Variants in BDKRB2 observed in about 807,000 individuals in gnomAD.
BDKRB2 encodes the protein B2 bradykinin receptor.
Under a neutral mutation model 4.0 loss-of-function variants are expected in BDKRB2, and 6 were observed. That is an observed-to-expected ratio of 1.49 (90% CI 0.81 to 2.93). BDKRB2 has a LOEUF of 2.93. Ranked by LOEUF, BDKRB2 falls within the 30% of genes most tolerant of loss-of-function variation. The pLI is 0.00. For synonymous variants in BDKRB2, 225 were observed against 215.3 expected (o/e 1.05, Z -0.40); for missense variants, 478 against 520.1 (o/e 0.92, Z 0.79).
intron 1 of BDKRB2, among the ~76,000 whole-genome samples, chr14:96,208,481 G>T (rs1224493300): frequency 1.3e-5 from 2 of 152,120 alleles, no homozygotes; most frequent in Non-Finnish European, 2.9e-5. Context: ...TTCTTCTCCT[G>T]TACAATGGGG....
chr14:96,231,201 C>T (rs1890811867), intron 1 of BDKRB2, among the ~76,000 whole-genome samples: 1 of 152,220 alleles, frequency 6.6e-6, no homozygotes, highest in African/African-American at 2.4e-5. Context: ...TCTGCTTCTC[C>T]AGGCTCCCTC....
intron 1 of BDKRB2, among the ~76,000 whole-genome samples, chr14:96,214,251 T>G (rs1045111904): frequency 2.6e-5 from 4 of 151,736 alleles, no homozygotes; most frequent in Non-Finnish European, 4.4e-5. Flanking sequence ...CTTCCGGGAG[T>G]CTGTTTGGAC....
intron 1 of BDKRB2, among the ~76,000 whole-genome samples, chr14:96,227,294 T>C (rs1280610268): frequency 1.3e-5 from 2 of 152,250 alleles, no homozygotes; most frequent in East Asian, 3.8e-4. Context: ...CAATCATTAA[T>C]GTACTTTGTG....
At chr14:96,219,959 G>C (rs11847625) in intron 1 of BDKRB2, among the ~76,000 whole-genome samples, 43,903 of 151,834 alleles carry the variant, frequency 0.29, 7,075 homozygotes, top group Non-Finnish European at 0.37. Flanking sequence ...GGCCGACCAA[G>C]CCTAGAGCCA....
intron 1 of BDKRB2, 113 bp from the exon 2 acceptor site, chr14:96,236,956 G>A (rs754130817): frequency 6.2e-5 from 43 of 695,388 alleles, no homozygotes; most frequent in East Asian, 3.8e-4. Context: ...CTTCACAAAC[G>A]TCCATTGAGT....
intron 1 of BDKRB2, among the ~76,000 whole-genome samples, chr14:96,223,971 A>G (rs1393509582): frequency 6.6e-6 from 1 of 152,142 alleles, no homozygotes; most frequent in African/African-American, 2.4e-5. Context: ...GAAAGTTGTA[A>G]TACTTCCTGG....
intron 1 of BDKRB2, among the ~76,000 whole-genome samples, chr14:96,228,403 G>A (rs932948045): frequency 6.6e-6 from 1 of 152,138 alleles, no homozygotes; most frequent in Admixed American, 6.5e-5. Context: ...CAGGTCACAC[G>A]GACTTGAAGG....
intron 1 of BDKRB2, among the ~76,000 whole-genome samples, chr14:96,222,691 A>T (rs901461505): frequency 6.6e-6 from 1 of 151,970 alleles, no homozygotes; most frequent in Non-Finnish European, 1.5e-5. Flanking sequence ...GCAGTCACCA[A>T]GCACTTGAAA....
chr14:96,240,694 C>A lies in BDKRB2; in HGVS notation c.366C>A (p.Asp122Glu), dbSNP rs1158322515. The change falls in exon 3 of 3, where the codon GAC becomes GAA. Residue 122 changes from aspartate (D) to glutamate (E), a missense_variant. Physicochemically the swap from Asp to Glu is conservative, Grantham distance 45. Transcript: ENST00000554311. ...CCATCACCATCTCCAACAACTTCGA[C>A]TGGCTCTTTGGGGAGACGCTCTGCC... The part of the protein sequence containing the change: ...FWAITISNNF[D>E]WLFGETLCRV... 1.9e-6 allele frequency: 3 copies of A among 1,600,140 alleles called. No individual in the cohort carries two copies. The highest frequency in any genetic ancestry group is 1.3e-5 in the African/African-American group (1 of 74,662).
chr14:96,233,793 G>C (rs1433584973), intron 1 of BDKRB2: 1 of 152,180 alleles, frequency 6.6e-6, no homozygotes, highest in Non-Finnish European at 1.5e-5. Context: ...TAACAGCCCA[G>C]GCCCACGGTG....
intron 1 of BDKRB2, among the ~76,000 whole-genome samples, chr14:96,216,289 G>A (rs529753082): frequency 2.6e-5 from 4 of 152,100 alleles, no homozygotes; most frequent in South Asian, 4.2e-4. Flanking sequence ...CCTGGAGGGT[G>A]GGCCTTTATA....
chr14:96,241,498 A>G lies in BDKRB2; in HGVS notation c.1170A>G (p.Arg390=), dbSNP rs1328488258. ...IHKLQDWAGS[R]Q ...AACTGCAGGACTGGGCAGGGAGCAG[A>G]CAGTGAGCAAACGCCAGCAGGGCTG... The change falls in exon 3 of 3, where the codon AGA becomes AGG. Residue 390 remains arginine (R), a synonymous_variant. Transcript: ENST00000554311. The G allele has an allele frequency of 6.6e-7, 1 of 1,525,776 alleles. No individual in the cohort carries two copies. Among genetic ancestry groups the G allele is most frequent in the East Asian group, 2.3e-5 (1 of 44,220 alleles). 94.5% of individuals were successfully genotyped at this position (1,525,776 alleles called of 1,614,324 possible).
chr14:96,215,289 T>G (rs1398119009), intron 1 of BDKRB2, among the ~76,000 whole-genome samples: 1 of 152,240 alleles, frequency 6.6e-6, no homozygotes, highest in Non-Finnish European at 1.5e-5. Flanking sequence ...GGTGAACTCT[T>G]AGAAGCATCC....
intron 1 of BDKRB2, among the ~76,000 whole-genome samples, chr14:96,211,429 A>C (rs1890299559): frequency 6.6e-6 from 1 of 152,250 alleles, no homozygotes; most frequent in Non-Finnish European, 1.5e-5. Flanking sequence ...TTGAACAGAA[A>C]GATCCAGAAA....
Position 96,211,842 on chromosome 14 carries a change from C to T in BDKRB2, c.-40+6883C>T, listed in dbSNP as rs376330343. Among the ~76,000 whole-genome samples the T allele has an allele frequency of 1.2e-4, 18 of 152,248 alleles. No homozygotes were observed. The East Asian group carries it at 1.9e-3, about 16-fold the overall frequency. ...ACCTACGAAAACTGGGAACTCCCTGCGAAGGCCGGTGCATTACAGGGCAGT... is the reference window on the plus strand; with the variant it reads ...ACCTACGAAAACTGGGAACTCCCTGTGAAGGCCGGTGCATTACAGGGCAGT... On this transcript the variant is annotated intron_variant, in intron 1 of 2. Transcript: ENST00000554311.
intron 1 of BDKRB2, among the ~76,000 whole-genome samples, chr14:96,216,464 A>T (rs1890418641): frequency 6.6e-6 from 1 of 151,988 alleles, no homozygotes; most frequent in African/African-American, 2.4e-5. Flanking sequence ...CTTTAAAAAA[A>T]AATTTAAAAA....
chr14:96,216,817 G>T (rs913323960), intron 1 of BDKRB2, among the ~76,000 whole-genome samples: 2 of 150,730 alleles, frequency 1.3e-5, no homozygotes, highest in African/African-American at 4.9e-5. Flanking sequence ...GAAGGAGGAG[G>T]AGGAGGAGGA....
chr14:96,209,554 T>C (rs369157418), intron 1 of BDKRB2, among the ~76,000 whole-genome samples: 1 of 152,152 alleles, frequency 6.6e-6, no homozygotes, highest in African/African-American at 2.4e-5. Context: ...CGGGGGAAGG[T>C]GGCCAAAAGA....
intron 1 of BDKRB2, among the ~76,000 whole-genome samples, chr14:96,216,467 T>A (rs200523675): frequency 2.6e-5 from 4 of 151,540 alleles, no homozygotes; most frequent in Non-Finnish European, 4.4e-5. Flanking sequence ...TAAAAAAAAA[T>A]TTAAAAATTA....
Sources: allele counts gnomAD v4.1 joint callset (sites outside exome capture counted in the v4.1 genomes callset), GRCh38; gene constraint gnomAD v4.1.1; transcripts MANE v1.5; gene names NCBI Gene and HGNC (gene_info 2026-07-23, HGNC 2026-07-21).